Variants in AQP9 observed in about 807,000 individuals in gnomAD.
AQP9 encodes aquaporin-9.
AQP9 carries 19 observed loss-of-function variants against 23.8 expected under a neutral mutation model. That is an observed-to-expected ratio of 0.80 (90% CI 0.56 to 1.17). The LOEUF is 1.17. Ranked by LOEUF, AQP9 falls within the 50% of genes most tolerant of loss-of-function variation. The probability of loss-of-function intolerance (pLI) is 0.00; values close to 1 mark genes in which losing one functional copy is unlikely to be tolerated. For synonymous variants in AQP9, 153 were observed against 131.5 expected, an observed-to-expected ratio of 1.16 and a Z score of -1.12; for missense variants, 413 against 362.0, an observed-to-expected ratio of 1.14 and a Z score of -1.14.
intron 1 of AQP9, among the ~76,000 whole-genome samples, chr15:58,147,893 C>CAA (rs1898077781): frequency 6.6e-6 from 1 of 150,434 alleles, no homozygotes; most frequent in East Asian, 1.9e-4. Flanking sequence ...AACACATGCA[C>CAA]ACACACACAC....
At chr15:58,164,919 C>A (rs1898465936) in intron 1 of AQP9, among the ~76,000 whole-genome samples, 1 of 152,098 alleles carries the variant, frequency 6.6e-6, no homozygotes, top group African/African-American at 2.4e-5. Context: ...TAGTTTTAGA[C>A]TCTTCCATTT....
chr15:58,149,856 G>A lies in AQP9; in HGVS notation c.111+11180G>A, dbSNP rs1028052363. 2.6e-5 allele frequency among the ~76,000 whole-genome samples: 4 copies of A among 152,178 alleles called. 1 individual carries two copies. Among genetic ancestry groups the A allele is most frequent in the Non-Finnish European group, 5.9e-5 (4 of 68,028 alleles). ...CTAAATGACTCCCTTCTCAAGAATGGGGATTGTGTTTTTTGGAAACACTAT... is the reference window on the plus strand; with the variant it reads ...CTAAATGACTCCCTTCTCAAGAATGAGGATTGTGTTTTTTGGAAACACTAT... On this transcript the variant is annotated intron_variant, in intron 1 of 5. Coordinates refer to ENST00000219919, the MANE Select transcript of AQP9 (RefSeq NM_020980.5).
chr15:58,158,840 T>C (rs947887517), intron 1 of AQP9, among the ~76,000 whole-genome samples: 1 of 152,168 alleles, frequency 6.6e-6, no homozygotes, highest in Admixed American at 6.6e-5. Context: ...AATTCTAAGG[T>C]TCCCTGGTGG....
chr15:58,156,616 C>T (rs562816759), intron 1 of AQP9, among the ~76,000 whole-genome samples: 1 of 152,258 alleles, frequency 6.6e-6, no homozygotes, highest in South Asian at 2.1e-4. Context: ...AACTGCAATC[C>T]CCTGTAAATA....
chr15:58,174,898 C>A lies in AQP9; in HGVS notation c.377-20C>A. 1.9e-6 allele frequency: 3 copies of A among 1,603,744 alleles called. No individual in the cohort carries two copies. Among genetic ancestry groups the A allele is most frequent in the Non-Finnish European group, 2.6e-6 (3 of 1,170,630 alleles). On this transcript the variant is annotated intron_variant, in intron 3 of 5. Coordinates refer to ENST00000219919, the MANE Select transcript of AQP9 (RefSeq NM_020980.5). ...CTCTTCCCAGGGAACACTAATGTGC[C>A]AGAGCTTTCTCTTTCATAGATGGAC... is the stretch of plus-strand genomic sequence containing the variant.
intron 4 of AQP9, among the ~76,000 whole-genome samples, chr15:58,176,222 G>C (rs746463966): frequency 6.6e-6 from 1 of 152,108 alleles, no homozygotes; most frequent in African/African-American, 2.4e-5. Flanking sequence ...TGCAAAATAA[G>C]ATATAATTAG....
intron 2 of AQP9, among the ~76,000 whole-genome samples, chr15:58,171,294 G>A (rs1266457443): frequency 6.6e-6 from 1 of 151,970 alleles, no homozygotes; most frequent in Non-Finnish European, 1.5e-5. Flanking sequence ...TCACCATGTT[G>A]GGCAGGCTGG....
Position 58,184,426 on chromosome 15 carries a change from C to T in AQP9, c.*291C>T, listed in dbSNP as rs1015797462. The T allele has an allele frequency of 7.6e-5, 23 of 302,972 alleles. No homozygotes were observed. Among genetic ancestry groups the T allele is most frequent in the South Asian group, 7.6e-5 (1 of 13,156 alleles). The allele number at this position is 302,972 out of a possible 1,614,324, so 18.8% of individuals were successfully genotyped here. ...GATGGGAATTCTTGCTAGGTAAGCA[C>T]TAATAACTCGGCATCTTGACGATAG... On this transcript the variant is annotated 3_prime_UTR_variant, in exon 6 of 6. Transcript: ENST00000219919.
chr15:58,138,788 T>G lies in AQP9; in HGVS notation c.111+112T>G, dbSNP rs1002101141. 4.4e-5 allele frequency: 39 copies of G among 879,332 alleles called. 1 individual carries two copies. In the South Asian group the frequency reaches 4.7e-4, roughly 11 times the overall value. The allele number at this position is 879,332 out of a possible 1,614,324, so 54.5% of individuals were successfully genotyped here. On this transcript the variant is annotated intron_variant, in intron 1 of 5. Coordinates refer to ENST00000219919, the MANE Select transcript of AQP9 (RefSeq NM_020980.5). ...TTTATTTAAGTTAATTGGGATCAGA[T>G]TCATCTTTTCCAGGAAGAAACAAGT...
At chr15:58,144,144 C>T (rs1159761629) in intron 1 of AQP9, among the ~76,000 whole-genome samples, 1 of 152,112 alleles carries the variant, frequency 6.6e-6, no homozygotes, top group Admixed American at 6.5e-5. Context: ...ATTACAGCCT[C>T]TGCACCTTTC....
chr15:58,158,554 G>A (rs1487132662), intron 1 of AQP9, among the ~76,000 whole-genome samples: 3 of 152,168 alleles, frequency 2.0e-5, no homozygotes, highest in African/African-American at 4.8e-5. Context: ...GAACTAAATA[G>A]AGGGTAGCTG....
At position 58,138,676 on chromosome 15, in the gene AQP9, T is replaced by C; in HGVS notation, c.111T>C (p.Ile37=). ...AGTTCTTGGGCACGTTCATCTTGATTGTAAGTATTTCCTGATTTCCTACAT... is the reference window on the plus strand; with the variant it reads ...AGTTCTTGGGCACGTTCATCTTGATCGTAAGTATTTCCTGATTTCCTACAT... ...LSEFLGTFIL[I]VLGCGCVAQA... is the part of the protein sequence containing the mutation. The change falls in exon 1 of 6, where the codon ATT becomes ATC. Residue 37 remains isoleucine (I), a splice_region_variant and synonymous_variant. Transcript: ENST00000219919. The C allele has an allele frequency of 6.2e-7, 1 of 1,613,198 alleles. No individual in the cohort carries two copies. The highest frequency in any genetic ancestry group is 8.5e-7 in the Non-Finnish European group (1 of 1,179,256).
chr15:58,148,296 CAGGAATTAT>C (rs1432977360), intron 1 of AQP9, among the ~76,000 whole-genome samples: 2 of 152,198 alleles, frequency 1.3e-5, no homozygotes, highest in East Asian at 3.8e-4. Flanking sequence ...TTCTCAACTG[CAGGAATTAT>C]CAGAGCCTTT....
In AQP9 at chr15:58,138,474, T is replaced by A. The variant is rs757230089; in HGVS notation, c.-92T>A. 1 of 949,730 alleles carries A rather than the reference T, an allele frequency of 1.1e-6. No homozygotes were observed. The highest frequency in any genetic ancestry group is 1.6e-5 in the African/African-American group (1 of 60,794). 58.8% of individuals were successfully genotyped at this position (949,730 alleles called of 1,614,324 possible). Reference sequence around the variant, plus strand: ...GACATCTCCAGGAATCTGTGAGCCATTGTCAAAACGTCCATTTTCATCTGG... The same window carrying A: ...GACATCTCCAGGAATCTGTGAGCCAATGTCAAAACGTCCATTTTCATCTGG... On this transcript the variant is annotated 5_prime_UTR_variant, in exon 1 of 6. It adds an upstream start codon to the 5' untranslated region. Coordinates refer to ENST00000219919, the MANE Select transcript of AQP9 (RefSeq NM_020980.5).
Position 58,158,683 on chromosome 15 carries a change from T to A in AQP9, c.112-7990T>A, listed in dbSNP as rs142218381. Among the ~76,000 whole-genome samples the A allele has an allele frequency of 3.2e-4, 48 of 152,316 alleles. No individual in the cohort carries two copies. The South Asian group carries it at 5.8e-3, about 18-fold the overall frequency. On this transcript the variant is annotated intron_variant, in intron 1 of 5. Coordinates refer to ENST00000219919, the MANE Select transcript of AQP9 (RefSeq NM_020980.5). The stretch of plus-strand genomic sequence containing the variant: ...AGGAGATCCTTTTAACTTTAAAAAT[T>A]TTCAAGAACTCTATACACTACAACA...
rs1898990605 is a variant in AQP9, at chr15:58,185,004, A to G, written c.*869A>G. ...ATATCAACGACTGTGCTTGTCCATT[A>G]TTTTACACATGCCCTAGAAGCCAAA... On this transcript the variant is annotated 3_prime_UTR_variant, in exon 6 of 6. Coordinates refer to ENST00000219919, the MANE Select transcript of AQP9 (RefSeq NM_020980.5). The G allele has an allele frequency of 6.6e-6, 1 of 152,140 alleles. No individual in the cohort carries two copies. The highest frequency in any genetic ancestry group is 2.1e-4 in the South Asian group (1 of 4,824). 9.4% of individuals were successfully genotyped at this position (152,140 alleles called of 1,614,324 possible). A position where few individuals can be genotyped will look rare whatever the true frequency, so the allele number is the denominator to read the frequency against.
At chr15:58,156,037 T>C (rs895185263) in intron 1 of AQP9, 1 of 152,160 alleles carries the variant, frequency 6.6e-6, no homozygotes, top group Non-Finnish European at 1.5e-5. Flanking sequence ...ATTACCGCCC[T>C]AATTGAAAAC....
chr15:58,180,241 G>T, intron 5 of AQP9, among the ~76,000 whole-genome samples: 1 of 152,226 alleles, frequency 6.6e-6, no homozygotes, highest in East Asian at 1.9e-4. Flanking sequence ...CTACCATGGA[G>T]AAAAGTAGGA....
At chr15:58,182,675 G>A (rs552524228) in intron 5 of AQP9, among the ~76,000 whole-genome samples, 2 of 152,278 alleles carry the variant, frequency 1.3e-5, no homozygotes, top group South Asian at 4.2e-4. Flanking sequence ...TTGGGGCCTG[G>A]GGAAGGGCAC....
Sources: allele counts gnomAD v4.1 joint callset (sites outside exome capture counted in the v4.1 genomes callset), GRCh38; gene constraint gnomAD v4.1.1; transcripts MANE v1.5; gene names NCBI Gene and HGNC (gene_info 2026-07-23, HGNC 2026-07-21).